LCA5L: variants seen among roughly 807,000 people sequenced by gnomAD.
LCA5L encodes the protein lebercilin-like protein.
In LCA5L, 35 loss-of-function variants were observed where a neutral mutation model predicts 45.4. The observed-to-expected ratio is 0.77, with a 90% CI of 0.59 to 1.02. LCA5L has a LOEUF of 1.02. Among genes scored for constraint, LCA5L ranks in the 50% least tolerant of loss-of-function variants. The pLI, the probability that LCA5L is intolerant of heterozygous loss-of-function variation, is 0.00. For synonymous variants in LCA5L, 233 were observed against 264.7 expected (o/e 0.88, Z 1.16); for missense variants, 668 against 761.6 (o/e 0.88, Z 1.45).
Position 39,423,220 on chromosome 21 carries a change from T to C in LCA5L, c.593A>G (p.Gln198Arg). Residue 198 changes from glutamine to arginine, a missense_variant, in exon 6 of 11, where the codon CAA (glutamine) becomes CGA (arginine). By Grantham distance (43) the Gln-to-Arg change is conservative. Transcript: ENST00000288350. ...KYENSQNNLP[Q>R]IMAKHQNEVK... ...TTCATTCTGATGTTTAGCCATAATTTGAGGTAGATTATTTTGTGAATTCTC... is the reference window on the plus strand; with the variant it reads ...TTCATTCTGATGTTTAGCCATAATTCGAGGTAGATTATTTTGTGAATTCTC... The C allele has an allele frequency of 6.2e-7, 1 of 1,611,686 alleles. No individual in the cohort carries two copies.
intron 3 of LCA5L, among the ~76,000 whole-genome samples, chr21:39,431,700 T>C (rs2075745880): frequency 6.6e-6 from 1 of 152,010 alleles, no homozygotes; most frequent in Non-Finnish European, 1.5e-5. Context: ...GTATTTTTAG[T>C]AGAGATGGGG....
intron 3 of LCA5L, among the ~76,000 whole-genome samples, chr21:39,432,217 C>T (rs1453963016): frequency 6.6e-6 from 1 of 152,160 alleles, no homozygotes; most frequent in African/African-American, 2.4e-5. Flanking sequence ...TCACTAAAAT[C>T]AGCTTTTAGG....
intron 2 of LCA5L, among the ~76,000 whole-genome samples, chr21:39,437,424 GAATTA>G (rs1173533993): frequency 6.6e-6 from 1 of 152,110 alleles, no homozygotes; most frequent in Non-Finnish European, 1.5e-5. Flanking sequence ...ACTATCAAGA[GAATTA>G]AATTGACACC....
At chr21:39,437,438 C>T (rs4816626) in intron 2 of LCA5L, among the ~76,000 whole-genome samples, 71,774 of 152,062 alleles carry the variant, frequency 0.47, 18,206 homozygotes, top group East Asian at 0.67. Flanking sequence ...TAAATTGACA[C>T]CATAGGTTAC....
intron 7 of LCA5L, among the ~76,000 whole-genome samples, chr21:39,419,350 C>A (rs1467424940): frequency 6.6e-6 from 1 of 151,862 alleles, no homozygotes; most frequent in African/African-American, 2.4e-5. Context: ...CACAGCGAGA[C>A]CCCGTCTCTA....
At chr21:39,420,350 C>T (rs1288965339) in intron 7 of LCA5L, among the ~76,000 whole-genome samples, 5 of 151,788 alleles carry the variant, frequency 3.3e-5, no homozygotes, top group African/African-American at 7.3e-5. Flanking sequence ...GGCAAAAGCC[C>T]GTCTCTACTA....
chr21:39,420,085 A>T (rs529493479), intron 7 of LCA5L, among the ~76,000 whole-genome samples: 24 of 152,356 alleles, frequency 1.6e-4, no homozygotes, highest in Admixed American at 4.6e-4. Flanking sequence ...GAATGCTAAC[A>T]AGAAGCCTTG....
chr21:39,427,122 C>T (rs769537400), intron 5 of LCA5L, among the ~76,000 whole-genome samples: 13 of 152,176 alleles, frequency 8.5e-5, no homozygotes, highest in Non-Finnish European at 1.6e-4. Context: ...GTGGACATGG[C>T]GGTGGCAGAT....
At chr21:39,413,047 A>T (rs2040386778) in intron 7 of LCA5L, among the ~76,000 whole-genome samples, 1 of 152,222 alleles carries the variant, frequency 6.6e-6, no homozygotes, top group African/African-American at 2.4e-5. Flanking sequence ...TTGCATCAAC[A>T]GTCAGCAGGG....
At chr21:39,419,803 C>T (rs2837018) in intron 7 of LCA5L, among the ~76,000 whole-genome samples, 34,988 of 151,974 alleles carry the variant, frequency 0.23, 4,529 homozygotes, top group African/African-American at 0.35. Flanking sequence ...CTTGAAACAG[C>T]GTATTTCTTA....
rs7281336 is a variant in LCA5L, at chr21:39,425,047, A to G, written c.323-1557T>C. Among the ~76,000 whole-genome samples the G allele has an allele frequency of 4.6e-3, 704 of 152,336 alleles. 6 individuals are homozygous for G. The highest frequency in any genetic ancestry group is 0.016 in the African/African-American group (662 of 41,582). On this transcript the variant is annotated intron_variant, in intron 5 of 10. Coordinates refer to ENST00000288350, the MANE Select transcript of LCA5L (RefSeq NM_152505.4). ...GTGTGCATTTGTAGGATATAGAGGTATATGTATGTGTGCACCTGTGTATGT... is the reference window on the plus strand; with the variant it reads ...GTGTGCATTTGTAGGATATAGAGGTGTATGTATGTGTGCACCTGTGTATGT...
At chr21:39,406,789 G>T in intron 10 of LCA5L, 177 bp from the exon 11 acceptor site, 1 of 526,042 alleles carries the variant, frequency 1.9e-6, no homozygotes, top group Non-Finnish European at 3.3e-6. Context: ...TAACAAATGT[G>T]TTATGTTACA....
chr21:39,438,090 G>A (rs185148070), intron 2 of LCA5L, among the ~76,000 whole-genome samples: 7 of 152,122 alleles, frequency 4.6e-5, no homozygotes, highest in African/African-American at 1.7e-4. Context: ...TGATGAGAAG[G>A]GACTACTTTG....
intron 1 of LCA5L, chr21:39,445,331 C>CG (rs2077358157): frequency 6.6e-6 from 1 of 152,242 alleles, no homozygotes; most frequent in African/African-American, 2.4e-5. Flanking sequence ...GAGGCAAAAT[C>CG]GGAGGTCAGA....
intron 6 of LCA5L, chr21:39,422,509 G>T (rs759204870): frequency 5.9e-6 from 1 of 170,860 alleles, no homozygotes; most frequent in Non-Finnish European, 1.2e-5. Context: ...TGTCTGTGTG[G>T]TAATTCCTGG....
chr21:39,433,765 CTTT>C (rs10574657), intron 3 of LCA5L, among the ~76,000 whole-genome samples: 6 of 136,634 alleles, frequency 4.4e-5, no homozygotes, highest in South Asian at 4.6e-4. Context: ...GTTACTGTAG[CTTT>C]TTTTTTTTTT....
intron 3 of LCA5L, among the ~76,000 whole-genome samples, chr21:39,432,235 G>A (rs1373036142): frequency 6.6e-6 from 1 of 151,896 alleles, no homozygotes; most frequent in African/African-American, 2.4e-5. Flanking sequence ...AGGTAAAATC[G>A]GCTTTTAGGT....
intron 3 of LCA5L, among the ~76,000 whole-genome samples, chr21:39,432,161 A>G (rs1418576589): frequency 6.6e-6 from 1 of 152,244 alleles, no homozygotes; most frequent in Non-Finnish European, 1.5e-5. Flanking sequence ...AGATCAGTGT[A>G]TAAACTGACT....
intron 7 of LCA5L, among the ~76,000 whole-genome samples, chr21:39,419,229 A>G (rs1459509681): frequency 6.6e-6 from 1 of 152,136 alleles, no homozygotes; most frequent in Non-Finnish European, 1.5e-5. Context: ...TTGTCACAAA[A>G]AAGTTAAAGA....
Sources: allele counts gnomAD v4.1 joint callset (sites outside exome capture counted in the v4.1 genomes callset), GRCh38; gene constraint gnomAD v4.1.1; transcripts MANE v1.5; gene names NCBI Gene and HGNC (gene_info 2026-07-23, HGNC 2026-07-21).